The following BMP6 variants were observed in gnomAD, a reference collection of about 807,000 sequenced individuals.
BMP6 encodes VG-1-R.
Under a neutral mutation model 54.1 loss-of-function variants are expected in BMP6, and 17 were observed. The observed-to-expected ratio is 0.31, with a 90% CI of 0.22 to 0.47. The LOEUF is 0.47. Among genes scored for constraint, BMP6 ranks in the 20% least tolerant of loss-of-function variants. The pLI is 1.00. For synonymous variants in BMP6, 328 were observed against 291.2 expected (o/e 1.13, Z -1.28); for missense variants, 720 against 690.4 (o/e 1.04, Z -0.48).
chr6:7,762,364 C>CTGCTTTAATGATCTTGAAGGTT (rs1241476747), intron 1 of BMP6, among the ~76,000 whole-genome samples: 3 of 152,190 alleles, frequency 2.0e-5, no homozygotes, highest in Admixed American at 6.5e-5. Flanking sequence ...ACTTGAAGGT[C>CTGCTTTAATGATCTTGAAGGTT]TGCTTTAATG....
chr6:7,868,460 G>A (rs189053559), intron 4 of BMP6, among the ~76,000 whole-genome samples: 16 of 152,344 alleles, frequency 1.1e-4, no homozygotes, highest in South Asian at 4.1e-4. Context: ...TCTGCTGGGC[G>A]AGTGGGAGCG....
chr6:7,727,655 TC>T, intron 1 of BMP6, 36 bp downstream of exon 1: 1 of 1,478,092 alleles, frequency 6.8e-7, no homozygotes, highest in Non-Finnish European at 8.9e-7. Flanking sequence ...CGAGAACATT[TC>T]CCCCTTTTCA....
At chr6:7,755,368 G>A (rs1000107438) in intron 1 of BMP6, among the ~76,000 whole-genome samples, 20 of 151,950 alleles carry the variant, frequency 1.3e-4, no homozygotes, top group African/African-American at 3.9e-4. Context: ...GTTGCTCTAA[G>A]GTTTATAGTA....
At chr6:7,845,414 CTG>C (rs1448057177) in intron 2 of BMP6, 82 bp downstream of exon 2, 2 of 1,359,326 alleles carry the variant, frequency 1.5e-6, no homozygotes, top group Non-Finnish European at 2.0e-6. Flanking sequence ...CCAGCTATGT[CTG>C]TGCAGGGTGA....
At chr6:7,828,952 G>A (rs1758745599) in intron 1 of BMP6, among the ~76,000 whole-genome samples, 1 of 152,182 alleles carries the variant, frequency 6.6e-6, no homozygotes, top group South Asian at 2.1e-4. Context: ...CGTGTCCCAG[G>A]GCTTGGCACA....
At chr6:7,786,191 G>A (rs530568272) in intron 1 of BMP6, among the ~76,000 whole-genome samples, 1 of 152,114 alleles carries the variant, frequency 6.6e-6, no homozygotes, top group Non-Finnish European at 1.5e-5. Context: ...GTGACTTGCT[G>A]TGGTAAAGGA....
intron 1 of BMP6, among the ~76,000 whole-genome samples, chr6:7,765,543 C>T (rs1051297042): frequency 2.0e-5 from 3 of 152,230 alleles, no homozygotes; most frequent in Non-Finnish European, 2.9e-5. Context: ...GTACATTTCT[C>T]GCCATGTCAG....
intron 1 of BMP6, among the ~76,000 whole-genome samples, chr6:7,746,368 A>G (rs55746956): frequency 0.081 from 12,305 of 152,138 alleles, 597 homozygotes; most frequent in Admixed American, 0.12. Context: ...GCTTTGGGAG[A>G]TATTCCTGGC....
In BMP6 at chr6:7,768,101, C is replaced by A. The variant is rs532158255; in HGVS notation, c.664+40482C>A. 3.3e-5 allele frequency among the ~76,000 whole-genome samples: 5 copies of A among 152,206 alleles called. No individual in the cohort carries two copies. The East Asian group carries it at 9.6e-4, about 29-fold the overall frequency. On this transcript the variant is annotated intron_variant, in intron 1 of 6. Transcript: ENST00000283147. ...AGAGCGGGCAGGAAGTGCGCATGTC[C>A]CTTCCTCCAGGTGGTTTTGGCTCTG...
At chr6:7,842,321 C>A (rs894000268) in intron 1 of BMP6, among the ~76,000 whole-genome samples, 2 of 152,170 alleles carry the variant, frequency 1.3e-5, no homozygotes, top group Non-Finnish European at 2.9e-5. Context: ...CATAACACTT[C>A]TGGTGCCTCA....
At chr6:7,731,006 T>C (rs916491256) in intron 1 of BMP6, among the ~76,000 whole-genome samples, 2 of 152,212 alleles carry the variant, frequency 1.3e-5, no homozygotes, top group Non-Finnish European at 2.9e-5. Flanking sequence ...AGCCGGACTA[T>C]CAGGAAGTGT....
chr6:7,818,001 T>G (rs1289713929), intron 1 of BMP6, among the ~76,000 whole-genome samples: 3 of 152,306 alleles, frequency 2.0e-5, no homozygotes, highest in Non-Finnish European at 2.9e-5. Flanking sequence ...AGGTCACACA[T>G]TTTTTAAAAA....
chr6:7,771,565 G>T (rs764175246), intron 1 of BMP6, among the ~76,000 whole-genome samples: 1 of 152,202 alleles, frequency 6.6e-6, no homozygotes, highest in Non-Finnish European at 1.5e-5. Context: ...CAGTAAGTGC[G>T]TGGTGGAGCG....
Position 7,766,011 on chromosome 6 carries a change from TA to T in BMP6, c.664+38393del, listed in dbSNP as rs1361598524. 3.9e-5 allele frequency among the ~76,000 whole-genome samples: 6 copies of T among 152,158 alleles called. 1 individual carries two copies. The highest frequency in any genetic ancestry group is 1.4e-4 in the African/African-American group (6 of 41,426). ...GATCCTTTCTCCATCTCAAAAATCT[TA>T]CCTTAAGCATTCCTGGAAGATATTC... On this transcript the variant is annotated intron_variant, in intron 1 of 6. Coordinates refer to ENST00000283147, the MANE Select transcript of BMP6 (RefSeq NM_001718.6).
At chr6:7,773,331 A>G (rs1005320853) in intron 1 of BMP6, among the ~76,000 whole-genome samples, 1 of 152,194 alleles carries the variant, frequency 6.6e-6, no homozygotes, top group African/African-American at 2.4e-5. Context: ...ATATTCCAAA[A>G]GGAATTAGGG....
At chr6:7,865,034 G>A (rs908052183) in intron 4 of BMP6, among the ~76,000 whole-genome samples, 5 of 152,074 alleles carry the variant, frequency 3.3e-5, no homozygotes, top group African/African-American at 1.2e-4. Context: ...AATGTTGATT[G>A]CTTTTTAAAA....
chr6:7,765,794 C>A (rs1757677876), intron 1 of BMP6, among the ~76,000 whole-genome samples: 1 of 152,242 alleles, frequency 6.6e-6, no homozygotes, highest in South Asian at 2.1e-4. Flanking sequence ...GGCCGTGTTC[C>A]TTCTGGAGGC....
intron 1 of BMP6, among the ~76,000 whole-genome samples, chr6:7,755,099 G>A (rs1396366309): frequency 6.6e-6 from 1 of 152,132 alleles, no homozygotes; most frequent in Non-Finnish European, 1.5e-5. Flanking sequence ...AAATAACATA[G>A]AGTTAGGTCT....
At chr6:7,788,405 T>C (rs1273183933) in intron 1 of BMP6, among the ~76,000 whole-genome samples, 2 of 152,230 alleles carry the variant, frequency 1.3e-5, no homozygotes, top group Non-Finnish European at 2.9e-5. Context: ...GTGTATGCTA[T>C]TGTGTGCTGG....
Sources: gnomAD v4.1 joint callset for allele counts (sites outside exome capture counted in the v4.1 genomes callset) on GRCh38, gnomAD v4.1.1 for gene constraint, MANE v1.5 for transcripts, NCBI Gene and HGNC (gene_info 2026-07-23, HGNC 2026-07-21) for gene names.